CSGALNACT1: variants seen among roughly 807,000 people sequenced by gnomAD.
CSGALNACT1 encodes the protein beta4GalNAcT-1.
A neutral mutation model predicts 51.0 loss-of-function variants in CSGALNACT1; 52 were observed. That is an observed-to-expected ratio of 1.02 (90% CI 0.82 to 1.29). The LOEUF (loss-of-function observed/expected upper bound fraction) is 1.29. Among genes scored for constraint, CSGALNACT1 ranks in the 50% most tolerant of loss-of-function variants. The pLI, the probability that CSGALNACT1 is intolerant of heterozygous loss-of-function variation, is 0.00. For synonymous variants in CSGALNACT1, 341 were observed against 254.4 expected (o/e 1.34, Z -3.24); for missense variants, 935 against 679.2 (o/e 1.38, Z -4.19).
At chr8:19,651,696 G>A (rs962821881) in intron 1 of CSGALNACT1, among the ~76,000 whole-genome samples, 26 of 152,066 alleles carry the variant, frequency 1.7e-4, no homozygotes, top group South Asian at 6.2e-4. Flanking sequence ...TCATGTCTTC[G>A]CTATTGTGAA....
At chr8:19,592,956 A>G (rs2048148085) in intron 2 of CSGALNACT1, among the ~76,000 whole-genome samples, 2 of 152,234 alleles carry the variant, frequency 1.3e-5, no homozygotes, top group African/African-American at 4.8e-5. Context: ...AGGGTATTAA[A>G]TGCTTTTTGA....
rs780686123 is a variant in CSGALNACT1, at chr8:19,575,746, C to T, written c.-297+15414G>A. Among the ~76,000 whole-genome samples, 5 of 151,826 alleles carry T rather than the reference C, an allele frequency of 3.3e-5. 1 individual carries two copies. The highest frequency in any genetic ancestry group is 4.2e-4 in the South Asian group (2 of 4,812). ...AGTATTTACGTGTGAAAGAGCAGAA[C>T]GGCTTGGATTTACTTTAAAATATTC... On this transcript the variant is annotated intron_variant, in intron 3 of 9. Coordinates refer to ENST00000454498, the Ensembl canonical transcript of CSGALNACT1.
intron 4 of CSGALNACT1, among the ~76,000 whole-genome samples, chr8:19,475,495 C>G (rs775524319): frequency 6.6e-6 from 1 of 152,088 alleles, no homozygotes; most frequent in Non-Finnish European, 1.5e-5. Context: ...AGGAAAGCCC[C>G]CGGAGAACAG....
At chr8:19,618,267 G>A (rs893690302) in intron 1 of CSGALNACT1, among the ~76,000 whole-genome samples, 3 of 152,020 alleles carry the variant, frequency 2.0e-5, no homozygotes, top group African/African-American at 7.2e-5. Flanking sequence ...CTATGTCTCG[G>A]CAAAATATAT....
intron 4 of CSGALNACT1, among the ~76,000 whole-genome samples, chr8:19,472,171 C>T (rs570933802): frequency 2.0e-5 from 3 of 152,156 alleles, no homozygotes; most frequent in African/African-American, 7.2e-5. Context: ...CCAGAACAAA[C>T]AACATGCAAG....
chr8:19,504,076 T>C (rs536685046), intron 4 of CSGALNACT1, among the ~76,000 whole-genome samples: 11 of 152,276 alleles, frequency 7.2e-5, no homozygotes, highest in South Asian at 4.1e-4. Flanking sequence ...CTGGGCAAGA[T>C]GAATTATTAT....
intron 4 of CSGALNACT1, among the ~76,000 whole-genome samples, chr8:19,474,372 T>C (rs1406320640): frequency 4.6e-5 from 7 of 152,126 alleles, no homozygotes; most frequent in Non-Finnish European, 8.8e-5. Flanking sequence ...TTTTTAAAAT[T>C]TACTTATTTA....
intron 1 of CSGALNACT1, among the ~76,000 whole-genome samples, chr8:19,660,472 C>T (rs1739429353): frequency 6.6e-6 from 1 of 152,130 alleles, no homozygotes; most frequent in African/African-American, 2.4e-5. Flanking sequence ...ACTATGGTGC[C>T]ACAGCCTCTA....
intron 6 of CSGALNACT1, among the ~76,000 whole-genome samples, chr8:19,435,849 T>C (rs1399364006): frequency 6.6e-6 from 1 of 152,158 alleles, no homozygotes; most frequent in African/African-American, 2.4e-5. Flanking sequence ...ATGATCCTTA[T>C]AAAGGAATAT....
chr8:19,698,425 A>G (rs2061688473), intron 1 of CSGALNACT1, among the ~76,000 whole-genome samples: 2 of 152,250 alleles, frequency 1.3e-5, no homozygotes, highest in Non-Finnish European at 2.9e-5. Flanking sequence ...GAATAAGCAC[A>G]TAGCACAAGC....
At chr8:19,748,122 C>T (rs532320002) in intron 1 of CSGALNACT1, among the ~76,000 whole-genome samples, 40 of 152,248 alleles carry the variant, frequency 2.6e-4, no homozygotes, top group South Asian at 1.7e-3. Context: ...GTTACTTATA[C>T]GTATGGAGGT....
At chr8:19,703,850 T>G (rs1310735862) in intron 1 of CSGALNACT1, among the ~76,000 whole-genome samples, 1 of 152,210 alleles carries the variant, frequency 6.6e-6, no homozygotes, top group Admixed American at 6.5e-5. Flanking sequence ...TTAACAGTGT[T>G]TTTTAGGAAA....
At chr8:19,520,103 G>C (rs1423427833) in intron 3 of CSGALNACT1, among the ~76,000 whole-genome samples, 4 of 152,230 alleles carry the variant, frequency 2.6e-5, no homozygotes, top group Non-Finnish European at 5.9e-5. Context: ...ACTCCTCTCA[G>C]CTCTCCTCTT....
intron 1 of CSGALNACT1, among the ~76,000 whole-genome samples, chr8:19,641,161 A>C: frequency 7.6e-6 from 1 of 131,950 alleles, no homozygotes; most frequent in Non-Finnish European, 1.6e-5. Flanking sequence ...TTTTTAAACC[A>C]ACCCTCTCTC....
intron 1 of CSGALNACT1, among the ~76,000 whole-genome samples, chr8:19,663,489 C>T (rs182101416): frequency 1.2e-4 from 19 of 152,080 alleles, no homozygotes; most frequent in South Asian, 1.0e-3. Flanking sequence ...CCCCCTAGCA[C>T]GAGAGGTTCC....
chr8:19,505,333 C>T lies in CSGALNACT1; in HGVS notation c.502G>A (p.Glu168Lys), dbSNP rs548865058. The T allele has an allele frequency of 2.7e-5, 43 of 1,614,164 alleles. 1 individual carries two copies. The South Asian group carries it at 4.1e-4, about 15-fold the overall frequency. ...TTGTCCTTCCTCACAGGCTTCTCCT[C>T]GGGGTGGCGGGTAAGGCCAGTCTCC... Residue 168 changes from glutamate (E) to lysine (K), a missense_variant, in exon 4 of 10, where the codon GAG (glutamate) becomes AAG (lysine). Coordinates refer to ENST00000454498, the Ensembl canonical transcript of CSGALNACT1.
intron 4 of CSGALNACT1, among the ~76,000 whole-genome samples, chr8:19,503,580 T>A (rs80350912): frequency 2.6e-5 from 4 of 152,090 alleles, no homozygotes; most frequent in Non-Finnish European, 4.4e-5. Flanking sequence ...TTTTTTTTTT[T>A]AATGATGTTT....
intron 4 of CSGALNACT1, among the ~76,000 whole-genome samples, chr8:19,463,376 C>T (rs1413868243): frequency 6.6e-6 from 1 of 152,232 alleles, no homozygotes; most frequent in Non-Finnish European, 1.5e-5. Context: ...CACACATTCC[C>T]ATCCCTGCAC....
At chr8:19,427,744 C>T (rs186927836) in intron 6 of CSGALNACT1, among the ~76,000 whole-genome samples, 20 of 151,902 alleles carry the variant, frequency 1.3e-4, no homozygotes, top group Middle Eastern at 3.4e-3. Flanking sequence ...GCCGAGATCG[C>T]GCCACTGCAC....
Sources: allele counts gnomAD v4.1 joint callset (sites outside exome capture counted in the v4.1 genomes callset), GRCh38; gene constraint gnomAD v4.1.1; transcripts MANE v1.5; gene names NCBI Gene and HGNC (gene_info 2026-07-23, HGNC 2026-07-21).